DPP10: variants seen among roughly 807,000 people sequenced by gnomAD.
DPP10 encodes the protein inactive dipeptidyl peptidase 10.
DPP10 carries 33 observed loss-of-function variants against 120.9 expected under a neutral mutation model. The observed-to-expected ratio is 0.27, with a 90% CI of 0.21 to 0.37. The LOEUF (loss-of-function observed/expected upper bound fraction) is 0.37. DPP10 is among the 10% of genes least tolerant of loss of function. The probability of loss-of-function intolerance (pLI) is 1.00; values close to 1 mark genes in which losing one functional copy is unlikely to be tolerated. For missense variants in DPP10, 816 were observed against 942.8 expected (o/e 0.87, Z 1.76); for synonymous variants, 337 against 326.1 (o/e 1.03, Z -0.36).
intron 1 of DPP10, among the ~76,000 whole-genome samples, chr2:114,644,603 T>A (rs1031056100): frequency 6.6e-6 from 1 of 151,874 alleles, no homozygotes; most frequent in African/African-American, 2.4e-5. Flanking sequence ...CACCATTTTT[T>A]AAAAGCTATG....
At chr2:115,323,733 G>T (rs1421650060) in intron 2 of DPP10, among the ~76,000 whole-genome samples, 1 of 152,120 alleles carries the variant, frequency 6.6e-6, no homozygotes, top group African/African-American at 2.4e-5. Flanking sequence ...TCTTCATCAG[G>T]GCTCTTGGGT....
chr2:114,984,789 C>A (rs1484448007), intron 1 of DPP10, among the ~76,000 whole-genome samples: 1 of 152,118 alleles, frequency 6.6e-6, no homozygotes, highest in African/African-American at 2.4e-5. Context: ...AGGTTCATTT[C>A]CAAAACAAAG....
chr2:114,993,662 C>G (rs961966873), intron 1 of DPP10, among the ~76,000 whole-genome samples: 1 of 145,964 alleles, frequency 6.9e-6, no homozygotes, highest in Non-Finnish European at 1.5e-5. Context: ...CCCAATTTTA[C>G]CCTATGCATA....
chr2:114,739,664 C>CA (rs1197434794), intron 1 of DPP10, among the ~76,000 whole-genome samples: 8 of 151,324 alleles, frequency 5.3e-5, no homozygotes, highest in African/African-American at 1.5e-4. Flanking sequence ...ATCACACACA[C>CA]AAAAAAAAGA....
intron 3 of DPP10, among the ~76,000 whole-genome samples, chr2:115,456,799 C>T (rs779302295): frequency 2.8e-4 from 42 of 151,954 alleles, no homozygotes; most frequent in Non-Finnish European, 3.7e-4. Context: ...CATCATACAC[C>T]GGGACCTGTC....
At chr2:115,229,364 A>T (rs2057614386) in intron 1 of DPP10, among the ~76,000 whole-genome samples, 1 of 152,144 alleles carries the variant, frequency 6.6e-6, no homozygotes, top group African/African-American at 2.4e-5. Flanking sequence ...TGCTGTGCAG[A>T]AGCTTTTTAA....
intron 5 of DPP10, among the ~76,000 whole-genome samples, chr2:115,653,756 T>C (rs1188528301): frequency 6.6e-6 from 1 of 151,942 alleles, no homozygotes; most frequent in African/African-American, 2.4e-5. Context: ...AATGATAATG[T>C]CATGGGAAAG....
intron 1 of DPP10, among the ~76,000 whole-genome samples, chr2:114,467,903 C>T (rs1679549948): frequency 6.6e-6 from 1 of 152,048 alleles, no homozygotes; most frequent in Non-Finnish European, 1.5e-5. Context: ...GCTGTAGTCC[C>T]AGCTACTTGA....
chr2:114,953,821 T>TA (rs1474919657), intron 1 of DPP10, among the ~76,000 whole-genome samples: 1 of 152,170 alleles, frequency 6.6e-6, no homozygotes. Flanking sequence ...TTGTTTGTTA[T>TA]TTATTATACT....
At position 114,442,675 on chromosome 2, in the gene DPP10, G is replaced by A. The variant is rs1677721532; in HGVS notation, c.-104G>A. 3.8e-6 allele frequency: 5 copies of A among 1,304,642 alleles called. No homozygotes were observed. The highest frequency in any genetic ancestry group is 3.9e-5 in the Admixed American group (2 of 51,290). 80.8% of individuals were successfully genotyped at this position (1,304,642 alleles called of 1,614,324 possible). A position where few individuals can be genotyped will look rare whatever the true frequency, so the allele number is the denominator to read the frequency against. On this transcript the variant is annotated 5_prime_UTR_variant, in exon 1 of 26. Transcript: ENST00000410059. ...AGAAGCAACAGCAGTAGCAGCGGCAGCAGCAACAGCAGCAGCCCCTACTGA... is the reference window on the plus strand; with the variant it reads ...AGAAGCAACAGCAGTAGCAGCGGCAACAGCAACAGCAGCAGCCCCTACTGA...
intron 3 of DPP10, among the ~76,000 whole-genome samples, chr2:115,486,762 C>A (rs904233034): frequency 2.6e-5 from 4 of 152,096 alleles, no homozygotes; most frequent in Non-Finnish European, 5.9e-5. Context: ...TCCTCTTATG[C>A]TATCTTTTTG....
At chr2:114,599,734 A>G (rs1018633912) in intron 1 of DPP10, among the ~76,000 whole-genome samples, 6 of 151,814 alleles carry the variant, frequency 4.0e-5, no homozygotes, top group Admixed American at 3.9e-4. Context: ...AAATCATCAC[A>G]TGCCCAAGCC....
At chr2:115,749,058 T>C (rs898038708) in intron 10 of DPP10, among the ~76,000 whole-genome samples, 2 of 152,182 alleles carry the variant, frequency 1.3e-5, no homozygotes, top group Non-Finnish European at 2.9e-5. Context: ...ATGCCCCTTT[T>C]TGAATATCCC....
At chr2:115,244,202 A>G (rs1047149933) in intron 1 of DPP10, among the ~76,000 whole-genome samples, 2 of 144,912 alleles carry the variant, frequency 1.4e-5, no homozygotes, top group Non-Finnish European at 3.0e-5. Context: ...GTGTCTATAT[A>G]TATATATGTG....
chr2:114,917,352 C>T (rs904785463), intron 1 of DPP10, among the ~76,000 whole-genome samples: 1 of 152,146 alleles, frequency 6.6e-6, no homozygotes, highest in Non-Finnish European at 1.5e-5. Context: ...ATTCCATGCT[C>T]ATGGATAGGA....
intron 1 of DPP10, among the ~76,000 whole-genome samples, chr2:114,594,595 C>CAT (rs1242593966): frequency 6.8e-6 from 1 of 147,698 alleles, no homozygotes; most frequent in Non-Finnish European, 1.5e-5. Flanking sequence ...CATATATATA[C>CAT]ATATATATCT....
chr2:114,794,941 A>G (rs1405373642), intron 1 of DPP10, among the ~76,000 whole-genome samples: 1 of 152,248 alleles, frequency 6.6e-6, no homozygotes, highest in Non-Finnish European at 1.5e-5. Context: ...TGAGGCACAT[A>G]TCACTATTAA....
chr2:115,124,512 A>G (rs111958865), intron 1 of DPP10, among the ~76,000 whole-genome samples: 2 of 152,172 alleles, frequency 1.3e-5, no homozygotes, highest in African/African-American at 4.8e-5. Context: ...CTAGAATCCC[A>G]GTTATCTTCC....
chr2:115,703,540 C>T (rs772609845), intron 7 of DPP10, among the ~76,000 whole-genome samples: 1 of 152,060 alleles, frequency 6.6e-6, no homozygotes, highest in South Asian at 2.1e-4. Flanking sequence ...CTAAATCTGT[C>T]GGGCAGGTTG....
Sources: gnomAD v4.1 joint callset for allele counts (sites outside exome capture counted in the v4.1 genomes callset) on GRCh38, gnomAD v4.1.1 for gene constraint, MANE v1.5 for transcripts, NCBI Gene and HGNC (gene_info 2026-07-23, HGNC 2026-07-21) for gene names.